The following GPC6 variants were observed in gnomAD, a reference collection of about 807,000 sequenced individuals.
The protein encoded by GPC6 is glypican 6.
In GPC6, 14 loss-of-function variants were observed where a neutral mutation model predicts 55.2. The ratio of observed to expected loss-of-function variants is 0.25; its 90% CI spans 0.17 to 0.40. The LOEUF (loss-of-function observed/expected upper bound fraction) is 0.40. GPC6 is among the 10% of genes least tolerant of loss of function. GPC6 has a pLI of 1.00. For missense variants in GPC6, 641 were observed against 708.5 expected (o/e 0.90, Z 1.08); for synonymous variants, 278 against 259.6 (o/e 1.07, Z -0.68).
At chr13:93,780,570 C>T (rs1297908493) in intron 2 of GPC6, among the ~76,000 whole-genome samples, 2 of 149,014 alleles carry the variant, frequency 1.3e-5, no homozygotes, top group Admixed American at 1.4e-4. Flanking sequence ...ACCTTAATGA[C>T]TTTATGGTTC....
intron 2 of GPC6, among the ~76,000 whole-genome samples, chr13:93,713,453 C>T (rs529767311): frequency 6.6e-6 from 1 of 151,292 alleles, no homozygotes; most frequent in South Asian, 2.1e-4. Flanking sequence ...ATGTCAGAAA[C>T]AAAAAAGGGA....
chr13:93,304,157 C>T (rs1012863768), intron 1 of GPC6, among the ~76,000 whole-genome samples: 2 of 152,080 alleles, frequency 1.3e-5, no homozygotes, highest in Non-Finnish European at 2.9e-5. Context: ...TGAGCTACTG[C>T]GCCTGGCCGT....
intron 2 of GPC6, among the ~76,000 whole-genome samples, chr13:93,784,527 A>G (rs901398070): frequency 6.6e-6 from 1 of 152,168 alleles, no homozygotes; most frequent in South Asian, 2.1e-4. Context: ...TCCCCACTAA[A>G]GCACCTAGCC....
intron 2 of GPC6, among the ~76,000 whole-genome samples, chr13:93,649,625 T>C (rs1880326178): frequency 6.6e-6 from 1 of 152,204 alleles, no homozygotes; most frequent in Non-Finnish European, 1.5e-5. Flanking sequence ...ACTCAGACTC[T>C]TAGGCCAATT....
intron 2 of GPC6, among the ~76,000 whole-genome samples, chr13:93,805,143 T>C (rs565062723): frequency 1.1e-4 from 16 of 152,252 alleles, no homozygotes; most frequent in African/African-American, 3.8e-4. Flanking sequence ...TTAAGAATAA[T>C]TTACAATAAA....
At chr13:94,006,608 A>C (rs916690357) in intron 3 of GPC6, among the ~76,000 whole-genome samples, 3 of 152,308 alleles carry the variant, frequency 2.0e-5, no homozygotes, top group Non-Finnish European at 2.9e-5. Flanking sequence ...GAAAGTCAAC[A>C]TGGCAGATTA....
intron 1 of GPC6, among the ~76,000 whole-genome samples, chr13:93,349,680 C>A (rs1034476125): frequency 6.6e-6 from 1 of 152,118 alleles, no homozygotes; most frequent in African/African-American, 2.4e-5. Flanking sequence ...CTTCACTCTA[C>A]ATAGAAAAAT....
At chr13:94,209,555 A>G (rs927353054) in intron 4 of GPC6, among the ~76,000 whole-genome samples, 1 of 152,170 alleles carries the variant, frequency 6.6e-6, no homozygotes, top group Non-Finnish European at 1.5e-5. Flanking sequence ...GATAAGAAAA[A>G]TTCACTGCGG....
At chr13:94,199,361 C>G (rs1332010610) in intron 4 of GPC6, among the ~76,000 whole-genome samples, 2 of 152,218 alleles carry the variant, frequency 1.3e-5, no homozygotes, top group Non-Finnish European at 2.9e-5. Flanking sequence ...ATTTTTGGAT[C>G]TCTACATCCT....
chr13:94,196,604 A>G (rs1889585326), intron 4 of GPC6, among the ~76,000 whole-genome samples: 1 of 152,204 alleles, frequency 6.6e-6, no homozygotes, highest in Admixed American at 6.5e-5. Context: ...CTGTCAAGTC[A>G]GATTGCTGTT....
intron 4 of GPC6, among the ~76,000 whole-genome samples, chr13:94,150,358 G>A (rs74509082): frequency 0.09 from 13,650 of 151,952 alleles, 783 homozygotes; most frequent in African/African-American, 0.15. Context: ...TGCAGCCAGC[G>A]TGAGCATTTG....
intron 3 of GPC6, among the ~76,000 whole-genome samples, chr13:93,939,711 A>T (rs969045931): frequency 6.6e-5 from 10 of 152,130 alleles, no homozygotes; most frequent in African/African-American, 2.4e-4. Flanking sequence ...CAGTCTCCCA[A>T]AGTGCTAGGA....
At chr13:93,251,242 T>C (rs1363602976) in intron 1 of GPC6, among the ~76,000 whole-genome samples, 1 of 152,146 alleles carries the variant, frequency 6.6e-6, no homozygotes, top group Non-Finnish European at 1.5e-5. Context: ...ACAGACCCCT[T>C]GGGCAGGGAT....
chr13:93,801,709 G>A (rs1053000719), intron 2 of GPC6, among the ~76,000 whole-genome samples: 3 of 152,088 alleles, frequency 2.0e-5, no homozygotes, highest in Admixed American at 1.3e-4. Flanking sequence ...CCATTTTATT[G>A]TTTCATGTTG....
intron 2 of GPC6, among the ~76,000 whole-genome samples, chr13:93,599,801 C>G (rs1877933956): frequency 6.6e-6 from 1 of 152,174 alleles, no homozygotes; most frequent in African/African-American, 2.4e-5. Flanking sequence ...TTTCTAATCA[C>G]TCCTGTCCAT....
rs140966160 is a variant in GPC6 at position 93,472,601 on chromosome 13, G to C, written c.161-72662G>C. 5.9e-3 allele frequency among the ~76,000 whole-genome samples: 896 copies of C among 152,320 alleles called. 7 individuals are homozygous for C. Among genetic ancestry groups the C allele is most frequent in the African/African-American group, 0.021 (853 of 41,580 alleles). ...AAGCTTGGAGATGCCAGGAACTGCAGGGCCCCAAAGAGGGAGTCACAGGCC... is the reference window on the plus strand; with the variant it reads ...AAGCTTGGAGATGCCAGGAACTGCACGGCCCCAAAGAGGGAGTCACAGGCC... On this transcript the variant is annotated intron_variant, in intron 1 of 8. Transcript: ENST00000377047.
intron 1 of GPC6, among the ~76,000 whole-genome samples, chr13:93,241,289 G>A (rs1876419300): frequency 1.3e-5 from 2 of 152,132 alleles, no homozygotes; most frequent in Admixed American, 6.5e-5. Context: ...TATAGGGTTT[G>A]GATGTTTTAG....
intron 2 of GPC6, among the ~76,000 whole-genome samples, chr13:93,639,531 A>G (rs1879823628): frequency 6.6e-6 from 1 of 152,122 alleles, no homozygotes; most frequent in East Asian, 1.9e-4. Flanking sequence ...GTGTAAAAGC[A>G]AAAGGCTGTT....
At chr13:94,140,964 T>C (rs1887354857) in intron 4 of GPC6, among the ~76,000 whole-genome samples, 1 of 151,970 alleles carries the variant, frequency 6.6e-6, no homozygotes, top group Non-Finnish European at 1.5e-5. Context: ...TGTAGGCATG[T>C]GTTAACAGGA....
Sources: gnomAD v4.1 joint callset for allele counts (sites outside exome capture counted in the v4.1 genomes callset) on GRCh38, gnomAD v4.1.1 for gene constraint, MANE v1.5 for transcripts, NCBI Gene and HGNC (gene_info 2026-07-23, HGNC 2026-07-21) for gene names.